SLIT3: variants seen among roughly 807,000 people sequenced by gnomAD.
SLIT3 encodes slit guidance ligand 3, also known as slit homolog 3 protein.
Under a neutral mutation model 184.0 loss-of-function variants are expected in SLIT3, and 68 were observed. That is an observed-to-expected ratio of 0.37 (90% CI 0.30 to 0.45). The LOEUF (loss-of-function observed/expected upper bound fraction) is 0.45. Ranked by LOEUF, SLIT3 falls within the 20% of genes least tolerant of loss-of-function variation. The pLI, the probability that SLIT3 is intolerant of heterozygous loss-of-function variation, is 1.00. For synonymous variants in SLIT3, 831 were observed against 828.6 expected (o/e 1.00, Z -0.05); for missense variants, 1,707 against 2,026.0 (o/e 0.84, Z 3.02).
chr5:168,696,305 C>T lies in SLIT3; in HGVS notation c.3069G>A (p.Pro1023=), dbSNP rs935771494. ...DGINNYVCIC[P]PNYTGELCDE... Reference sequence around the variant, plus strand: ...TGAGATCCTTACCTGTGTAGTTAGGCGGACAGATACACACGTAGTTGTTGA... The same window carrying T: ...TGAGATCCTTACCTGTGTAGTTAGGTGGACAGATACACACGTAGTTGTTGA... Residue 1023 remains proline, a synonymous_variant, in exon 28 of 36, where the codon CCG becomes CCA. Coordinates refer to ENST00000519560, the MANE Select transcript of SLIT3 (RefSeq NM_003062.4). 17 of 1,614,174 alleles carry T rather than the reference C, an allele frequency of 1.1e-5. No individual in the cohort carries two copies. The highest frequency in any genetic ancestry group is 2.2e-5 in the East Asian group (1 of 44,872).
rs147680110 is a variant in SLIT3, at chr5:168,885,556, G to A, written c.414-2220C>T. ...CACCCGAGGCTCTGGCAGTCACAAT[G>A]AGTCCAGTCTTTTCTGCCAAATGAA... On this transcript the variant is annotated intron_variant, in intron 4 of 35. Transcript: ENST00000519560. Among the ~76,000 whole-genome samples the A allele has an allele frequency of 5.9e-5, 9 of 152,334 alleles. No individual in the cohort carries two copies. In the East Asian group the frequency reaches 1.7e-3, roughly 29 times the overall value.
chr5:169,189,651 G>A (rs1763483656), intron 4 of SLIT3, among the ~76,000 whole-genome samples: 1 of 148,200 alleles, frequency 6.7e-6, no homozygotes, highest in African/African-American at 2.5e-5. Flanking sequence ...CTTAGGCAGG[G>A]AACTCCCAGT....
intron 4 of SLIT3, among the ~76,000 whole-genome samples, chr5:168,942,069 A>T (rs1034937201): frequency 2.0e-5 from 3 of 152,210 alleles, no homozygotes; most frequent in Admixed American, 1.3e-4. Flanking sequence ...CAGGGAGGTC[A>T]CATGACCCAG....
intron 5 of SLIT3, among the ~76,000 whole-genome samples, chr5:168,854,157 G>C (rs1335118511): frequency 6.6e-6 from 1 of 152,150 alleles, no homozygotes; most frequent in East Asian, 1.9e-4. Flanking sequence ...TACCCATCAG[G>C]CTATTCCACC....
intron 4 of SLIT3, among the ~76,000 whole-genome samples, chr5:168,997,377 C>T (rs1217178205): frequency 2.0e-5 from 3 of 152,106 alleles, no homozygotes; most frequent in Non-Finnish European, 4.4e-5. Context: ...TTCTGTACCC[C>T]CTGGAAAGAG....
At chr5:169,285,149 T>C (rs1767112226) in intron 1 of SLIT3, among the ~76,000 whole-genome samples, 1 of 152,072 alleles carries the variant, frequency 6.6e-6, no homozygotes, top group Non-Finnish European at 1.5e-5. Flanking sequence ...ACTCATAGGC[T>C]CAACTGATCC....
intron 4 of SLIT3, among the ~76,000 whole-genome samples, chr5:168,910,514 C>T (rs1445613413): frequency 3.9e-5 from 6 of 151,966 alleles, no homozygotes; most frequent in African/African-American, 9.7e-5. Flanking sequence ...GAGGCCGAGG[C>T]GGGTGGATCA....
At chr5:169,144,571 T>C (rs191868952) in intron 4 of SLIT3, among the ~76,000 whole-genome samples, 12 of 152,308 alleles carry the variant, frequency 7.9e-5, no homozygotes, top group Non-Finnish European at 1.5e-4. Context: ...GACAAGTAAG[T>C]GAATGATGGA....
chr5:169,202,012 G>T (rs577586334), intron 3 of SLIT3, among the ~76,000 whole-genome samples: 4 of 151,660 alleles, frequency 2.6e-5, no homozygotes, highest in African/African-American at 9.7e-5. Context: ...CAGGAGGATT[G>T]CTTGAGTCCA....
At chr5:169,291,413 G>A (rs1767358917) in intron 1 of SLIT3, among the ~76,000 whole-genome samples, 1 of 152,166 alleles carries the variant, frequency 6.6e-6, no homozygotes, top group South Asian at 2.1e-4. Flanking sequence ...CCTAAGATTT[G>A]GATTCTGTTC....
At chr5:168,982,667 A>T (rs1028380028) in intron 4 of SLIT3, among the ~76,000 whole-genome samples, 1 of 152,198 alleles carries the variant, frequency 6.6e-6, no homozygotes, top group Non-Finnish European at 1.5e-5. Context: ...AGCACTAAGT[A>T]GGTTTGGGCC....
At chr5:169,203,526 A>T (rs567286252) in intron 3 of SLIT3, among the ~76,000 whole-genome samples, 5 of 152,184 alleles carry the variant, frequency 3.3e-5, no homozygotes, top group Non-Finnish European at 7.3e-5. Flanking sequence ...ACATCTCACA[A>T]TGCGGCCAAG....
intron 16 of SLIT3, among the ~76,000 whole-genome samples, chr5:168,756,722 C>T (rs1344272017): frequency 6.6e-6 from 1 of 152,136 alleles, no homozygotes; most frequent in Non-Finnish European, 1.5e-5. Context: ...TAAAGGCTCT[C>T]CAGCAGCTAT....
chr5:168,988,635 C>T (rs1755214601), intron 4 of SLIT3, among the ~76,000 whole-genome samples: 1 of 152,216 alleles, frequency 6.6e-6, no homozygotes, highest in African/African-American at 2.4e-5. Context: ...TTAAAGCAAA[C>T]TTCCAACCAA....
At chr5:169,182,171 G>A (rs757257216) in intron 4 of SLIT3, among the ~76,000 whole-genome samples, 15 of 152,150 alleles carry the variant, frequency 9.9e-5, no homozygotes, top group Non-Finnish European at 1.6e-4. Context: ...GTAGGGTGAG[G>A]AGAATTAGAA....
intron 4 of SLIT3, among the ~76,000 whole-genome samples, chr5:169,181,759 T>C (rs1045374550): frequency 9.5e-5 from 14 of 147,892 alleles, no homozygotes; most frequent in African/African-American, 3.2e-4. Context: ...AAAAAAATTA[T>C]TGAAGTTAGA....
chr5:169,147,864 T>G (rs557122425), intron 4 of SLIT3, among the ~76,000 whole-genome samples: 1 of 152,300 alleles, frequency 6.6e-6, no homozygotes, highest in South Asian at 2.1e-4. Flanking sequence ...GTACCCCACC[T>G]ACTGCCATGA....
chr5:168,988,275 GT>G (rs1185718613), intron 4 of SLIT3, among the ~76,000 whole-genome samples: 1 of 152,194 alleles, frequency 6.6e-6, no homozygotes, highest in Non-Finnish European at 1.5e-5. Context: ...CATCTCCACT[GT>G]AACTCCATAG....
chr5:169,117,488 A>G (rs989338907), intron 4 of SLIT3, among the ~76,000 whole-genome samples: 3 of 150,822 alleles, frequency 2.0e-5, no homozygotes, highest in South Asian at 2.1e-4. Flanking sequence ...TTTCATTGGG[A>G]CTTGGCTCAA....
Sources: allele counts gnomAD v4.1 joint callset (sites outside exome capture counted in the v4.1 genomes callset), GRCh38; gene constraint gnomAD v4.1.1; transcripts MANE v1.5; gene names NCBI Gene and HGNC (gene_info 2026-07-23, HGNC 2026-07-21).